Variants in RBMS3 observed in about 807,000 individuals in gnomAD.
RBMS3 encodes the protein RNA binding motif single stranded interacting protein 3.
A neutral mutation model predicts 66.8 loss-of-function variants in RBMS3; 27 were observed. The observed-to-expected ratio is 0.40, with a 90% CI of 0.30 to 0.56. The LOEUF (loss-of-function observed/expected upper bound fraction) is 0.56, where lower values mean the gene tolerates loss of function less well. RBMS3 is among the 20% of genes least tolerant of loss of function. The pLI is 0.40. For missense variants in RBMS3, 513 were observed against 549.5 expected (o/e 0.93, Z 0.66); for synonymous variants, 188 against 183.0 (o/e 1.03, Z -0.22).
At chr3:29,477,791 G>T (rs912918975) in intron 2 of RBMS3, among the ~76,000 whole-genome samples, 1 of 151,762 alleles carries the variant, frequency 6.6e-6, no homozygotes, top group African/African-American at 2.4e-5. Context: ...TTTGAGACAG[G>T]GTCTCACTCT....
chr3:29,663,143 T>C (rs1329012516), intron 4 of RBMS3, among the ~76,000 whole-genome samples: 5 of 152,246 alleles, frequency 3.3e-5, no homozygotes, highest in Admixed American at 6.5e-5. Context: ...AAAATATATG[T>C]GTGAAATTAA....
chr3:29,694,874 C>T (rs1166052950), intron 4 of RBMS3, among the ~76,000 whole-genome samples: 1 of 150,690 alleles, frequency 6.6e-6, no homozygotes, highest in African/African-American at 2.5e-5. Context: ...AAAAAAAATA[C>T]AAGGCAGATT....
chr3:29,855,879 C>T (rs1559741583), intron 6 of RBMS3, among the ~76,000 whole-genome samples: 1 of 152,122 alleles, frequency 6.6e-6, no homozygotes, highest in East Asian at 1.9e-4. Context: ...TAATCTACTG[C>T]ATTCTAGGAA....
At chr3:29,871,348 G>C (rs983672839) in intron 7 of RBMS3, among the ~76,000 whole-genome samples, 1 of 152,082 alleles carries the variant, frequency 6.6e-6, no homozygotes, top group African/African-American at 2.4e-5. Context: ...ACTAACCAAA[G>C]CCAGGATCTG....
chr3:29,856,575 C>T (rs933443611), intron 6 of RBMS3, among the ~76,000 whole-genome samples: 1 of 152,066 alleles, frequency 6.6e-6, no homozygotes, highest in African/African-American at 2.4e-5. Context: ...AATTTGAATC[C>T]ATATAAGATA....
intron 1 of RBMS3, among the ~76,000 whole-genome samples, chr3:29,392,076 C>T (rs146283021): frequency 0.018 from 2,675 of 151,920 alleles, 74 homozygotes; most frequent in African/African-American, 0.061. Flanking sequence ...ATGGTGAAAC[C>T]CCATCTCTGC....
intron 1 of RBMS3, among the ~76,000 whole-genome samples, chr3:29,425,189 CA>C (rs35181201): frequency 0.17 from 19,770 of 114,562 alleles, 1,413 homozygotes; most frequent in South Asian, 0.24. Flanking sequence ...TAAAAAATAC[CA>C]AAAAAAAAAA....
intron 3 of RBMS3, among the ~76,000 whole-genome samples, chr3:29,506,862 T>G (rs1043525305): frequency 5.3e-5 from 8 of 151,920 alleles, no homozygotes; most frequent in African/African-American, 1.9e-4. Flanking sequence ...TCCAATTTGT[T>G]GGTATATAAT....
chr3:29,925,326 G>T (rs2060908235), intron 10 of RBMS3: 3 of 151,998 alleles, frequency 2.0e-5, no homozygotes, highest in African/African-American at 7.3e-5. Flanking sequence ...CTAATGCTTG[G>T]CTGTCATAGC....
chr3:29,398,947 G>A (rs1484640684), intron 1 of RBMS3, among the ~76,000 whole-genome samples: 1 of 152,082 alleles, frequency 6.6e-6, no homozygotes, highest in African/African-American at 2.4e-5. Context: ...CTGTACATCT[G>A]GGAAATGCTT....
intron 1 of RBMS3, among the ~76,000 whole-genome samples, chr3:29,388,186 A>G (rs900320285): frequency 2.0e-5 from 3 of 151,716 alleles, no homozygotes; most frequent in Non-Finnish European, 4.4e-5. Flanking sequence ...AGCTTTTCAT[A>G]TACCTTTACC....
At chr3:29,701,792 C>A (rs13060764) in intron 4 of RBMS3, among the ~76,000 whole-genome samples, 4 of 151,896 alleles carry the variant, frequency 2.6e-5, no homozygotes, top group African/African-American at 7.3e-5. Flanking sequence ...CTCACCGGGC[C>A]TCAGCTGTCT....
chr3:29,894,494 G>T (rs114382904), intron 8 of RBMS3, among the ~76,000 whole-genome samples: 1 of 151,370 alleles, frequency 6.6e-6, no homozygotes, highest in Non-Finnish European at 1.5e-5. Context: ...CAGTGTGTGC[G>T]TGTGAGAGAG....
At chr3:29,899,783 A>G (rs2060210763) in intron 10 of RBMS3, 28 bp downstream of exon 10, 2 of 1,600,316 alleles carry the variant, frequency 1.2e-6, no homozygotes. Flanking sequence ...CCTGAGGCTA[A>G]TATTTCTATT....
In RBMS3 at chr3:29,352,442, C is replaced by A. The variant is rs116457800; in HGVS notation, c.75+70686C>A. Among the ~76,000 whole-genome samples the A allele has an allele frequency of 9.4e-3, 1,417 of 151,468 alleles. 29 individuals carry two copies. The highest frequency in any genetic ancestry group is 0.032 in the African/African-American group (1,338 of 41,306). On this transcript the variant is annotated intron_variant, in intron 1 of 14. Coordinates refer to ENST00000383767, the MANE Select transcript of RBMS3 (RefSeq NM_001003793.3). The stretch of plus-strand genomic sequence containing the variant: ...ATATAAATTTATGTTAGATTTATAC[C>A]CAGTATTTTATATTTATTTTTAACT...
chr3:29,834,076 A>C (rs947458278), intron 6 of RBMS3, among the ~76,000 whole-genome samples: 1 of 152,250 alleles, frequency 6.6e-6, no homozygotes, highest in African/African-American at 2.4e-5. Flanking sequence ...AAACAAAAAT[A>C]GATTACCTGG....
At chr3:29,929,890 G>T (rs943551333) in intron 10 of RBMS3, among the ~76,000 whole-genome samples, 2 of 151,696 alleles carry the variant, frequency 1.3e-5, no homozygotes, top group African/African-American at 4.8e-5. Flanking sequence ...GCTCTAGTTT[G>T]CCCCATTTCC....
chr3:29,562,671 T>C (rs77230284), intron 3 of RBMS3, among the ~76,000 whole-genome samples: 1 of 152,318 alleles, frequency 6.6e-6, no homozygotes, highest in African/African-American at 2.4e-5. Flanking sequence ...AGGATCTATC[T>C]TGAGTTGTTA....
intron 4 of RBMS3, among the ~76,000 whole-genome samples, chr3:29,715,226 G>A (rs999296208): frequency 1.3e-5 from 2 of 152,006 alleles, no homozygotes; most frequent in South Asian, 2.1e-4. Flanking sequence ...GCTACCTCAG[G>A]GGTGCTCATA....
Sources: allele counts gnomAD v4.1 joint callset (sites outside exome capture counted in the v4.1 genomes callset), GRCh38; gene constraint gnomAD v4.1.1; transcripts MANE v1.5; gene names NCBI Gene and HGNC (gene_info 2026-07-23, HGNC 2026-07-21).